CHRNA5: variants seen among roughly 807,000 people sequenced by gnomAD.
CHRNA5 encodes neuronal acetylcholine receptor subunit alpha-5.
Under a neutral mutation model 41.2 loss-of-function variants are expected in CHRNA5, and 28 were observed. The ratio of observed to expected loss-of-function variants is 0.68; its 90% CI spans 0.50 to 0.93. The LOEUF (loss-of-function observed/expected upper bound fraction) is 0.93. Ranked by LOEUF, CHRNA5 falls within the 40% of genes least tolerant of loss-of-function variation. CHRNA5 has a pLI of 0.00. For missense variants in CHRNA5, 481 were observed against 581.9 expected (o/e 0.83, Z 1.78); for synonymous variants, 188 against 205.8 (o/e 0.91, Z 0.74).
At chr15:78,581,634 T>A (rs637137) in intron 2 of CHRNA5, among the ~76,000 whole-genome samples, 44,348 of 152,064 alleles carry the variant, frequency 0.29, 7,264 homozygotes, top group Admixed American at 0.48. Flanking sequence ...GTGCTTTATG[T>A]TCTGATTACA....
Position 78,588,548 on chromosome 15 carries a change from T to C in CHRNA5, c.413+125T>C. The C allele has an allele frequency of 2.0e-6, 1 of 491,668 alleles. No homozygotes were observed. Among genetic ancestry groups the C allele is most frequent in the East Asian group, 3.2e-5 (1 of 30,940 alleles). The allele number at this position is 491,668 out of a possible 1,614,324, so 30.5% of individuals were successfully genotyped here. A position where few individuals can be genotyped will look rare whatever the true frequency, so the allele number is the denominator to read the frequency against. On this transcript the variant is annotated intron_variant, in intron 4 of 5. Transcript: ENST00000299565. This position sits in a 1 kb window ranked among gnomAD's most constrained non-coding sequence, Gnocchi z 4.1. ...ATAAAAATCAAATGACATGACCGCATGTGCCTGGGTATGATTACATGTTTT... is the reference window on the plus strand; with the variant it reads ...ATAAAAATCAAATGACATGACCGCACGTGCCTGGGTATGATTACATGTTTT...
Position 78,590,002 on chromosome 15 carries a change from AC to A in CHRNA5, c.613del (p.Gln205LysfsTer3), listed in dbSNP as rs1467015031. 6.2e-7 allele frequency: 1 copy of A among 1,614,136 alleles called. No individual in the cohort carries two copies. The highest frequency in any genetic ancestry group is 1.1e-5 in the South Asian group (1 of 91,078). On this transcript the variant is annotated frameshift_variant, in exon 5 of 6. Transcript: ENST00000299565. LOFTEE classifies it high-confidence loss of function. ...TCACAGGTTGATATAATTCTAGAGG[AC>A]CAAGATGTAGACAAGAGAGATTTTT...
At chr15:78,587,940 A>G (rs1050105560) in intron 3 of CHRNA5, among the ~76,000 whole-genome samples, 1 of 152,220 alleles carries the variant, frequency 6.6e-6, no homozygotes, top group African/African-American at 2.4e-5. Flanking sequence ...TCCCTTTTGC[A>G]TGGACCAGAA....
At position 78,588,507 on chromosome 15, in the gene CHRNA5, T is replaced by C. The variant is rs1596063524; in HGVS notation, c.413+84T>C. ...TAGGCACTAATAATTTTTCTCCCTT[T>C]TGAAATTGTTTAGGTATAAAAATCA... On this transcript the variant is annotated intron_variant, in intron 4 of 5. Coordinates refer to ENST00000299565, the Ensembl canonical transcript of CHRNA5. The surrounding 1 kb of genome is among the most constrained non-coding windows in gnomAD (Gnocchi z 4.1). 2 of 617,830 alleles carry C rather than the reference T, an allele frequency of 3.2e-6. No individual in the cohort carries two copies. The highest frequency in any genetic ancestry group is 6.3e-5 in the East Asian group (2 of 31,846). 38.3% of individuals were successfully genotyped at this position (617,830 alleles called of 1,614,324 possible). A position where few individuals can be genotyped will look rare whatever the true frequency, so the allele number is the denominator to read the frequency against.
At chr15:78,572,730 C>T (rs2052817583) in intron 1 of CHRNA5, among the ~76,000 whole-genome samples, 1 of 152,154 alleles carries the variant, frequency 6.6e-6, no homozygotes, top group Non-Finnish European at 1.5e-5. Flanking sequence ...TGATCCCCCA[C>T]CTCAGCCTCC....
intron 1 of CHRNA5, among the ~76,000 whole-genome samples, chr15:78,577,244 C>T (rs564601397): frequency 2.2e-4 from 34 of 152,210 alleles, no homozygotes; most frequent in African/African-American, 5.3e-4. Context: ...TCTTTTCATA[C>T]GTATATCCTG....
chr15:78,573,767 C>G (rs1378310543), intron 1 of CHRNA5, among the ~76,000 whole-genome samples: 1 of 151,324 alleles, frequency 6.6e-6, no homozygotes, highest in Non-Finnish European at 1.5e-5. Context: ...AATGCCAGAG[C>G]AAAGCACTAT....
chr15:78,573,963 A>ATTTTTTTTTTTTT (rs979485573), intron 1 of CHRNA5, among the ~76,000 whole-genome samples: 151 of 102,066 alleles, frequency 1.5e-3, no homozygotes, highest in Non-Finnish European at 1.7e-3. Flanking sequence ...CGCCTGGCTA[A>ATTTTTTTTTTTTT]TTTTTTTTTT....
At chr15:78,576,347 T>C (rs1006312664) in intron 1 of CHRNA5, among the ~76,000 whole-genome samples, 1 of 152,180 alleles carries the variant, frequency 6.6e-6, no homozygotes, top group Non-Finnish European at 1.5e-5. Context: ...GGTTTCTCCA[T>C]GTTGGCCAGG....
intron 1 of CHRNA5, among the ~76,000 whole-genome samples, chr15:78,566,279 C>A (rs994380210): frequency 1.3e-5 from 2 of 152,120 alleles, no homozygotes; most frequent in African/African-American, 4.8e-5. Flanking sequence ...CCCTACCCAC[C>A]GCAGCATTTG....
intron 1 of CHRNA5, 151 bp from the exon 2 acceptor site, chr15:78,580,660 A>G (rs2052903543): frequency 2.2e-6 from 1 of 457,172 alleles, no homozygotes; most frequent in Non-Finnish European, 3.8e-6. Context: ...TTTTTGAGAC[A>G]GAGTCTCTCT....
chr15:78,583,734 G>C (rs1433190530), intron 2 of CHRNA5, among the ~76,000 whole-genome samples: 1 of 152,094 alleles, frequency 6.6e-6, no homozygotes, highest in Non-Finnish European at 1.5e-5. Flanking sequence ...ATTGTTACGG[G>C]AGTAGGGCAG....
chr15:78,584,719 C>T (rs2052943410), intron 2 of CHRNA5, among the ~76,000 whole-genome samples: 1 of 152,224 alleles, frequency 6.6e-6, no homozygotes, highest in South Asian at 2.1e-4. Flanking sequence ...TTGCTATATA[C>T]TATCATCATG....
chr15:78,587,768 A>T (rs1470165554), intron 3 of CHRNA5, among the ~76,000 whole-genome samples: 1 of 151,950 alleles, frequency 6.6e-6, no homozygotes, highest in Non-Finnish European at 1.5e-5. Context: ...TTTTGTTTTT[A>T]TCATCCCTAA....
At chr15:78,593,183 T>C (rs532896027) in exon 6 of CHRNA5, 2 of 1,613,898 alleles carry the variant, frequency 1.2e-6, no homozygotes, top group African/African-American at 2.7e-5. Context: ...TCTCTTGGGC[T>C]TTTTGTTCCT....
chr15:78,569,837 T>C (rs1461385814), intron 1 of CHRNA5, among the ~76,000 whole-genome samples: 5 of 152,062 alleles, frequency 3.3e-5, no homozygotes, highest in African/African-American at 1.2e-4. Flanking sequence ...GTTTTTTTTC[T>C]TGAGACAGAG....
rs1193564794 is a variant in CHRNA5 at position 78,577,966 on chromosome 15, ATCTTTT to A, written c.107-2844_107-2839del. Among the ~76,000 whole-genome samples the A allele has an allele frequency of 1.5e-4, 12 of 78,618 alleles. 1 individual carries two copies. In the South Asian group the frequency reaches 4.8e-3, roughly 32 times the overall value. The allele number at this position is 78,618 out of a possible 152,430, so 51.6% of individuals were successfully genotyped here. A position where few individuals can be genotyped will look rare whatever the true frequency, so the allele number is the denominator to read the frequency against. On this transcript the variant is annotated intron_variant, in intron 1 of 5. Transcript: ENST00000299565. ...AGACATTTTATTTATTAATACTTTT[ATCTTTT>A]AACCCTTAAATTTTTGGTATTTCAG...
At chr15:78,585,514 C>G (rs1382737923) in intron 2 of CHRNA5, among the ~76,000 whole-genome samples, 1 of 152,110 alleles carries the variant, frequency 6.6e-6, no homozygotes, top group African/African-American at 2.4e-5. Context: ...GCATTGTGTC[C>G]TACACATAAT....
chr15:78,583,436 G>C (rs942630339), intron 2 of CHRNA5, among the ~76,000 whole-genome samples: 4 of 152,220 alleles, frequency 2.6e-5, no homozygotes, highest in African/African-American at 9.6e-5. Flanking sequence ...GCTCACGCCT[G>C]TAATCCCAGC....
Sources: allele counts gnomAD v4.1 joint callset (sites outside exome capture counted in the v4.1 genomes callset), GRCh38; gene constraint gnomAD v4.1.1; non-coding constraint Gnocchi (gnomAD v3.1); transcripts MANE v1.5; gene names NCBI Gene and HGNC (gene_info 2026-07-23, HGNC 2026-07-21).